Variants in C2CD2L observed in about 807,000 individuals in gnomAD.
C2CD2L encodes the protein C2CD2 like.
C2CD2L carries 24 observed loss-of-function variants against 69.9 expected under a neutral mutation model. The observed-to-expected ratio is 0.34, with a 90% confidence interval of 0.25 to 0.48. The LOEUF is 0.48. Ranked by LOEUF, C2CD2L falls within the 20% of genes least tolerant of loss-of-function variation. The pLI is 0.99. For synonymous variants in C2CD2L, 367 were observed against 391.0 expected, an observed-to-expected ratio of 0.94 and a Z score of 0.72; for missense variants, 811 against 941.5, an observed-to-expected ratio of 0.86 and a Z score of 1.81.
In C2CD2L at chr11:119,110,405, T is replaced by A. The variant is rs1394628987; in HGVS notation, c.451-156T>A. Among the ~76,000 whole-genome samples the A allele has an allele frequency of 2.0e-5, 3 of 152,200 alleles. No individual in the cohort carries two copies. The highest frequency in any genetic ancestry group is 2.9e-5 in the Non-Finnish European group (2 of 68,032). On this transcript the variant is annotated intron_variant, in intron 2 of 13. Coordinates refer to ENST00000648610, the MANE Select transcript of C2CD2L (RefSeq NM_001290474.2). This position sits in a 1 kb window ranked among gnomAD's most constrained non-coding sequence, Gnocchi z 5.7. ...TGCATTTTTCTGGGGAGAGGAGTCT[T>A]TGGCATTTATCTGATTCTTTTAGGG...
Position 119,107,982 on chromosome 11 carries a change from G to A in C2CD2L, c.241G>A (p.Glu81Lys), listed in dbSNP as rs1440168339. 1 of 1,559,566 alleles carries A rather than the reference G, an allele frequency of 6.4e-7. No individual in the cohort carries two copies. The highest frequency in any genetic ancestry group is 8.6e-7 in the Non-Finnish European group (1 of 1,160,102). ...RLRATRAGAAEEPGVRGLLAS... is the reference protein window; with the variant it reads ...RLRATRAGAAKEPGVRGLLAS... ...GCGGGCGACTCGGGCTGGCGCCGCCGAGGAGCCAGGAGTCCGGGGCCTCCT... is the reference window on the plus strand; with the variant it reads ...GCGGGCGACTCGGGCTGGCGCCGCCAAGGAGCCAGGAGTCCGGGGCCTCCT... The change falls in exon 1 of 14, where the codon GAG becomes AAG. Residue 81 changes from glutamate to lysine, a missense_variant. Transcript: ENST00000648610. The surrounding 1 kb of genome is among the most constrained non-coding windows in gnomAD (Gnocchi z 5.4).
chr11:119,117,581 G>C lies in C2CD2L; in HGVS notation c.*1325G>C, dbSNP rs1402936185. The C allele has an allele frequency of 6.6e-6, 1 of 152,222 alleles. No homozygotes were observed. 9.4% of individuals were successfully genotyped at this position (152,222 alleles called of 1,614,324 possible). A position where few individuals can be genotyped will look rare whatever the true frequency, so the allele number is the denominator to read the frequency against. On this transcript the variant is annotated 3_prime_UTR_variant, in exon 14 of 14. Transcript: ENST00000648610. ...TGGTTGTGGATGAGAAGTAAATGAA[G>C]TGCTGAGTGTTAACTGTTGCCTCAG...
At chr11:119,115,457 T>A (rs1377466546) in intron 13 of C2CD2L, 1 of 153,704 alleles carries the variant, frequency 6.5e-6, no homozygotes, top group African/African-American at 2.4e-5. Context: ...CAACCATGGA[T>A]CTATCTATCT....
At chr11:119,113,354 C>A in intron 10 of C2CD2L, 1 of 490,832 alleles carries the variant, frequency 2.0e-6, no homozygotes, top group South Asian at 3.4e-5. Context: ...GCCCCAGTAC[C>A]CCCTCTGTCC....
Position 119,117,947 on chromosome 11 carries a change from A to G in C2CD2L, c.*1691A>G, listed in dbSNP as rs1312477417. The G allele has an allele frequency of 2.0e-5, 3 of 152,200 alleles. No homozygotes were observed. The highest frequency in any genetic ancestry group is 2.9e-5 in the Non-Finnish European group (2 of 68,038). 9.4% of individuals were successfully genotyped at this position (152,200 alleles called of 1,614,324 possible). A position where few individuals can be genotyped will look rare whatever the true frequency, so the allele number is the denominator to read the frequency against. ...CAGCCTTGACATTCTATGACTACCT[A>G]TATCTCAGGGTGTTTAGGGCACATG... On this transcript the variant is annotated 3_prime_UTR_variant, in exon 14 of 14. Transcript: ENST00000648610.
rs535181022 is a variant in C2CD2L, at chr11:119,112,894, G to A, written c.1387+20G>A. On this transcript the variant is annotated intron_variant, in intron 10 of 13. Transcript: ENST00000648610. ...AATTAGGTAAAGAGAAGGAGCCTGG[G>A]AGCCCAGCTCTAGCCAGGGGCCCGG... 1 of 1,611,078 alleles carries A rather than the reference G, an allele frequency of 6.2e-7. No homozygotes were observed. The highest frequency in any genetic ancestry group is 1.3e-5 in the African/African-American group (1 of 74,916).
At chr11:119,112,931 C>A in intron 10 of C2CD2L, 57 bp downstream of exon 10, 2 of 1,424,448 alleles carry the variant, frequency 1.4e-6, no homozygotes, top group East Asian at 2.3e-5. Flanking sequence ...ACTGCAGACC[C>A]AAGGCAGGAC....
rs1481786678 is a variant in C2CD2L at position 119,109,666 on chromosome 11, G to C, written c.355-438G>C. On this transcript the variant is annotated intron_variant, in intron 1 of 13. Transcript: ENST00000648610. The surrounding 1 kb of genome is among the most constrained non-coding windows in gnomAD (Gnocchi z 5.1). Reference sequence around the variant, plus strand: ...AAGGTGGCTCTACCACCTTTACCGGGGCTTAGCCCTTTCCCTCTGCCCAGC... The same window carrying C: ...AAGGTGGCTCTACCACCTTTACCGGCGCTTAGCCCTTTCCCTCTGCCCAGC... Among the ~76,000 whole-genome samples, 1 of 152,192 alleles carries C rather than the reference G, an allele frequency of 6.6e-6. No individual in the cohort carries two copies. Among genetic ancestry groups the C allele is most frequent in the Non-Finnish European group, 1.5e-5 (1 of 68,038 alleles).
rs772940055 is a variant in C2CD2L, at chr11:119,113,847, C to T, written c.1490-8C>T. 31 of 1,613,916 alleles carry T rather than the reference C, an allele frequency of 1.9e-5. No individual in the cohort carries two copies. The South Asian group carries it at 3.4e-4, about 18-fold the overall frequency. ...AGTCAGGTTATTCATTCTCTGCACC[C>T]CTAGCAGGGGACAGCCACCTTTCCA... is the stretch of plus-strand genomic sequence containing the variant. On this transcript the variant is annotated splice_polypyrimidine_tract_variant and splice_region_variant and intron_variant, in intron 11 of 13. Coordinates refer to ENST00000648610, the MANE Select transcript of C2CD2L (RefSeq NM_001290474.2).
chr11:119,107,587 C>T lies in C2CD2L; in HGVS notation c.-155C>T. ...GACCTCCTCTCCTCGCCCTGTGGCA[C>T]CCACTAGTCCTGGGCACTCAGCCGC... On this transcript the variant is annotated 5_prime_UTR_variant, in exon 1 of 14. Transcript: ENST00000648610. The surrounding 1 kb of genome is among the most constrained non-coding windows in gnomAD (Gnocchi z 5.4). The T allele has an allele frequency of 2.3e-6, 1 of 434,854 alleles. No homozygotes were observed. Among genetic ancestry groups the T allele is most frequent in the East Asian group, 3.7e-5 (1 of 27,002 alleles). The allele number at this position is 434,854 out of a possible 1,614,324, so 26.9% of individuals were successfully genotyped here.
intron 13 of C2CD2L, 147 bp from the exon 14 acceptor site, chr11:119,115,898 G>C: frequency 1.6e-6 from 1 of 625,392 alleles, no homozygotes; most frequent in Non-Finnish European, 2.8e-6. Context: ...GTATGTTTCT[G>C]CTTTCTTTCC....
At position 119,108,080 on chromosome 11, in the gene C2CD2L, G is replaced by C. The variant is rs1297197016; in HGVS notation, c.339G>C (p.Gln113His). ...QRAWVRALNE[Q>H]ACRNGSSIQI... ...CTTGGGTGCGAGCGCTGAACGAGCA[G>C]GCCTGCAGAAACGGGGTGAGTTGGA... Residue 113 changes from glutamine to histidine, a missense_variant, in exon 1 of 14, where the codon CAG (glutamine) becomes CAC (histidine). By Grantham distance (24) the Gln-to-His change is conservative. Transcript: ENST00000648610. 6.3e-7 allele frequency: 1 copy of C among 1,595,784 alleles called. No homozygotes were observed. Among genetic ancestry groups the C allele is most frequent in the African/African-American group, 1.4e-5 (1 of 72,390 alleles).
Position 119,107,801 on chromosome 11 carries a change from C to T in C2CD2L, c.60C>T (p.Ala20=), listed in dbSNP as rs146773868. ...GGGCGGCCTTGCTGATCCTCTTCGC[C>T]GCCTCGCTGCTCACGGTGTTCGCCT... ...VGWAALLILF[A]ASLLTVFAWL... is the part of the protein sequence containing the mutation. Residue 20 remains alanine, a synonymous_variant, in exon 1 of 14, where the codon GCC becomes GCT. Transcript: ENST00000648610. This position sits in a 1 kb window ranked among gnomAD's most constrained non-coding sequence, Gnocchi z 5.4. The T allele has an allele frequency of 7.7e-6, 12 of 1,549,932 alleles. No homozygotes were observed. In the African/African-American group the frequency reaches 1.7e-4, roughly 22 times the overall value.
Position 119,114,613 on chromosome 11 carries a change from C to CT in C2CD2L, c.1909+249dup. 1 of 529,154 alleles carries CT rather than the reference C, an allele frequency of 1.9e-6. No individual in the cohort carries two copies. The highest frequency in any genetic ancestry group is 3.3e-5 in the East Asian group (1 of 30,554). 32.8% of individuals were successfully genotyped at this position (529,154 alleles called of 1,614,324 possible). A position where few individuals can be genotyped will look rare whatever the true frequency, so the allele number is the denominator to read the frequency against. On this transcript the variant is annotated intron_variant, in intron 13 of 13. Coordinates refer to ENST00000648610, the MANE Select transcript of C2CD2L (RefSeq NM_001290474.2). This position sits in a 1 kb window ranked among gnomAD's most constrained non-coding sequence, Gnocchi z 5.1. ...CCTCCATTGTTCTTTCTTCCTGAGT[C>CT]TAAGTGCCATTTTTCCTGCCCTTTA... is the stretch of plus-strand genomic sequence containing the variant.
chr11:119,106,518 G>T (rs973948937), upstream of C2CD2L, among the ~76,000 whole-genome samples: 7 of 152,170 alleles, frequency 4.6e-5, no homozygotes, highest in Non-Finnish European at 7.3e-5. Context: ...GATGGCTTCT[G>T]AGGCCAGAGG....
In C2CD2L at chr11:119,109,224, C is replaced by A. The variant is rs370562056; in HGVS notation, c.355-880C>A. Among the ~76,000 whole-genome samples the A allele has an allele frequency of 6.6e-6, 1 of 152,200 alleles. No individual in the cohort carries two copies. The highest frequency in any genetic ancestry group is 1.5e-5 in the Non-Finnish European group (1 of 68,036). ...GCTACCAGAGCAAAGGAGTTGGCTT[C>A]CCCTGGTTTGCCAAGCAAATGAACC... On this transcript the variant is annotated intron_variant, in intron 1 of 13. Transcript: ENST00000648610. This position sits in a 1 kb window ranked among gnomAD's most constrained non-coding sequence, Gnocchi z 5.1.
In C2CD2L at chr11:119,110,753, C is replaced by T. The variant is rs757149229; in HGVS notation, c.570+73C>T. On this transcript the variant is annotated intron_variant, in intron 3 of 13. Coordinates refer to ENST00000648610, the MANE Select transcript of C2CD2L (RefSeq NM_001290474.2). This position sits in a 1 kb window ranked among gnomAD's most constrained non-coding sequence, Gnocchi z 5.7. ...GCTCAGCTTCTTCCATTTGTTTCCT[C>T]TCTGGGATGGAATTCAGGAAGGGAG... The T allele has an allele frequency of 4.9e-5, 79 of 1,607,442 alleles. 1 individual carries two copies. In the Middle Eastern group the frequency reaches 9.9e-4, roughly 20 times the overall value.
chr11:119,110,235 C>A lies in C2CD2L; in HGVS notation c.450+36C>A. ...GATGGGCACTGCCCTCTTTGGGGTC[C>A]AAGAAGGACTGACCCCAAGGGCTCC... On this transcript the variant is annotated intron_variant, in intron 2 of 13. Transcript: ENST00000648610. The surrounding 1 kb of genome is among the most constrained non-coding windows in gnomAD (Gnocchi z 5.7). The A allele has an allele frequency of 6.8e-7, 1 of 1,462,276 alleles. No homozygotes were observed. The highest frequency in any genetic ancestry group is 9.6e-7 in the Non-Finnish European group (1 of 1,041,618). The allele number at this position is 1,462,276 out of a possible 1,614,324, so 90.6% of individuals were successfully genotyped here. A position where few individuals can be genotyped will look rare whatever the true frequency, so the allele number is the denominator to read the frequency against.
At position 119,117,518 on chromosome 11, in the gene C2CD2L, T is replaced by A. The variant is rs897255845; in HGVS notation, c.*1262T>A. Reference sequence around the variant, plus strand: ...ACCTCTAAGTGCCTCAGTTTTCTCATCTGTAAAATGGGAACTTCAATCATC... The same window carrying A: ...ACCTCTAAGTGCCTCAGTTTTCTCAACTGTAAAATGGGAACTTCAATCATC... On this transcript the variant is annotated 3_prime_UTR_variant, in exon 14 of 14. Coordinates refer to ENST00000648610, the MANE Select transcript of C2CD2L (RefSeq NM_001290474.2). 2 of 152,226 alleles carry A rather than the reference T, an allele frequency of 1.3e-5. No individual in the cohort carries two copies. The highest frequency in any genetic ancestry group is 4.8e-5 in the African/African-American group (2 of 41,450). The allele number at this position is 152,226 out of a possible 1,614,324, so 9.4% of individuals were successfully genotyped here.
Sources: allele counts gnomAD v4.1 joint callset (sites outside exome capture counted in the v4.1 genomes callset), GRCh38; gene constraint gnomAD v4.1.1; non-coding constraint Gnocchi (gnomAD v3.1); transcripts MANE v1.5; gene names NCBI Gene and HGNC (gene_info 2026-07-23, HGNC 2026-07-21).